Variants in FAM98A observed in about 807,000 individuals in gnomAD.
FAM98A encodes protein FAM98A.
Under a neutral mutation model 62.9 loss-of-function variants are expected in FAM98A, and 25 were observed. That is an observed-to-expected ratio of 0.40 (90% CI 0.29 to 0.56). FAM98A has a LOEUF of 0.56. FAM98A is among the 20% of genes least tolerant of loss of function. FAM98A has a pLI of 0.51. For synonymous variants in FAM98A, 252 were observed against 228.6 expected, an observed-to-expected ratio of 1.10 and a Z score of -0.92; for missense variants, 653 against 640.7, an observed-to-expected ratio of 1.02 and a Z score of -0.21.
chr2:33,597,990 A>G (rs1415343311), intron 1 of FAM98A, among the ~76,000 whole-genome samples: 1 of 152,224 alleles, frequency 6.6e-6, no homozygotes, highest in Non-Finnish European at 1.5e-5. Flanking sequence ...ACTTTAACAT[A>G]TGCCCTAATG....
rs1399045310 is a variant in FAM98A, at chr2:33,595,199, C to A, written c.202+290G>T. 2.0e-5 allele frequency among the ~76,000 whole-genome samples: 3 copies of A among 152,066 alleles called. No individual in the cohort carries two copies. The East Asian group carries it at 5.8e-4, about 29-fold the overall frequency. Reference sequence around the variant, plus strand: ...CTAGGATCTTACATTTAACATCTTACAAAATATAGGAAGTTCATACATTCT... The same window carrying A: ...CTAGGATCTTACATTTAACATCTTAAAAAATATAGGAAGTTCATACATTCT... On this transcript the variant is annotated intron_variant, in intron 2 of 7. Coordinates refer to ENST00000238823, the MANE Select transcript of FAM98A (RefSeq NM_015475.5).
Position 33,592,202 on chromosome 2 carries a change from G to T in FAM98A, c.215C>A (p.Ala72Asp). 6.2e-7 allele frequency: 1 copy of T among 1,610,220 alleles called. No individual in the cohort carries two copies. Among genetic ancestry groups the T allele is most frequent in the Non-Finnish European group, 8.5e-7 (1 of 1,177,402 alleles). Reference protein sequence around the residue: ...NVQATNSPSEAEEFQLEVSGL... With the variant: ...NVQATNSPSEDEEFQLEVSGL... The stretch of plus-strand genomic sequence containing the variant: ...ACTCACCTCAAGCTGGAATTCTTCA[G>T]CTTCACTCGGACCTTTTAAGAATTA... The change falls in exon 3 of 8, where the codon GCT becomes GAT. Residue 72 changes from alanine to aspartate, a missense_variant. Physicochemically the swap from Ala to Asp is moderately radical, Grantham distance 126. Transcript: ENST00000238823.
At chr2:33,595,444 A>T (rs1027989828) in intron 2 of FAM98A, 45 bp downstream of exon 2, 3 of 1,515,424 alleles carry the variant, frequency 2.0e-6, no homozygotes, top group African/African-American at 1.4e-5. Context: ...ACAATACCTC[A>T]ATGTTATTTT....
At chr2:33,587,825 AT>A (rs1171834843) in intron 4 of FAM98A, among the ~76,000 whole-genome samples, 3 of 151,704 alleles carry the variant, frequency 2.0e-5, no homozygotes, top group Non-Finnish European at 4.4e-5. Context: ...AATGTGTGGT[AT>A]AAAAATAATT....
At position 33,585,025 on chromosome 2, in the gene FAM98A, T is replaced by G; in HGVS notation, c.1308A>C (p.Gly436=). 1 of 1,614,114 alleles carries G rather than the reference T, an allele frequency of 6.2e-7. No homozygotes were observed. Among genetic ancestry groups the G allele is most frequent in the African/African-American group, 1.3e-5 (1 of 75,018 alleles). ...FQTSSSYTGS[G]YQGGGYQQDN... Reference sequence around the variant, plus strand: ...CCTGCTGGTAGCCACCACCCTGGTATCCACTTCCTGTATATGAAGAAGATG... The same window carrying G: ...CCTGCTGGTAGCCACCACCCTGGTAGCCACTTCCTGTATATGAAGAAGATG... Residue 436 remains glycine (G), a synonymous_variant, in exon 8 of 8, where the codon GGA becomes GGC. Coordinates refer to ENST00000238823, the MANE Select transcript of FAM98A (RefSeq NM_015475.5).
rs768141541 is a variant in FAM98A, at chr2:33,594,572, TATATAC to T, written c.202+911_202+916del. ...AAAAAAAAAAAAAATTATATATATATATATACACACACACACACACACACACACATA... is the reference window on the plus strand; with the variant it reads ...AAAAAAAAAAAAAATTATATATATATACACACACACACACACACACACATA... On this transcript the variant is annotated intron_variant, in intron 2 of 7. Coordinates refer to ENST00000238823, the MANE Select transcript of FAM98A (RefSeq NM_015475.5). Among the ~76,000 whole-genome samples, 582 of 99,464 alleles carry T rather than the reference TATATAC, an allele frequency of 5.9e-3. 131 individuals carry two copies. Among genetic ancestry groups the T allele is most frequent in the Admixed American group, 6.9e-3 (66 of 9,554 alleles). 65.3% of individuals were successfully genotyped at this position (99,464 alleles called of 152,430 possible). A position where few individuals can be genotyped will look rare whatever the true frequency, so the allele number is the denominator to read the frequency against.
rs367835075 is a variant in FAM98A at position 33,599,151 on chromosome 2, G to C, written c.53+18C>G. 32 of 1,608,490 alleles carry C rather than the reference G, an allele frequency of 2.0e-5. 1 individual carries two copies. The highest frequency in any genetic ancestry group is 1.7e-4 in the African/African-American group (13 of 74,786). On this transcript the variant is annotated intron_variant, in intron 1 of 7. Transcript: ENST00000238823. The stretch of plus-strand genomic sequence containing the variant: ...CGGCAGCGTGGGGCTTGGGAGACCC[G>C]TGCCCTGACAATCTTACCCTAGATC...
intron 3 of FAM98A, among the ~76,000 whole-genome samples, chr2:33,590,353 C>G (rs1055056950): frequency 3.3e-5 from 5 of 152,046 alleles, no homozygotes; most frequent in Non-Finnish European, 7.4e-5. Context: ...GTTTTCCCCC[C>G]TAAAATACAA....
chr2:33,585,113 C>A lies in FAM98A; in HGVS notation c.1220G>T (p.Gly407Val), dbSNP rs199773047. Residue 407 changes from glycine (G) to valine (V), a missense_variant, in exon 8 of 8, where the codon GGT (glycine) becomes GTT (valine). Physicochemically the swap from Gly to Val is moderately radical, Grantham distance 109. Transcript: ENST00000238823. ...ACTGCTGTGGCCACCATGATAGCCA[C>A]CTGGCTGGAAACCTGAATCTCGATA... Reference protein sequence around the residue: ...GGYRDSGFQPGGYHGGHSSGG... With the variant: ...GGYRDSGFQPVGYHGGHSSGG... 132 of 1,614,204 alleles carry A rather than the reference C, an allele frequency of 8.2e-5. No homozygotes were observed. In the East Asian group the frequency reaches 2.9e-3, roughly 35 times the overall value.
intron 2 of FAM98A, among the ~76,000 whole-genome samples, chr2:33,594,408 T>C (rs1039550695): frequency 1.3e-5 from 2 of 151,398 alleles, no homozygotes; most frequent in African/African-American, 2.4e-5. Flanking sequence ...CCAGGGCCTG[T>C]TGCGGGTTAG....
intron 5 of FAM98A, 25 bp from the exon 6 acceptor site, chr2:33,586,703 T>C (rs1677565376): frequency 1.4e-6 from 2 of 1,468,882 alleles, no homozygotes; most frequent in African/African-American, 1.4e-5. Flanking sequence ...AAAAGACTAG[T>C]TAGAGTTTAA....
chr2:33,587,019 G>T (rs1204551327), intron 5 of FAM98A: 3 of 536,680 alleles, frequency 5.6e-6, no homozygotes, highest in Non-Finnish European at 3.3e-6. Flanking sequence ...TTTATCAGCT[G>T]TGTGAAATAT....
In FAM98A at chr2:33,585,237, A is replaced by G; in HGVS notation, c.1096T>C (p.Tyr366His). The G allele has an allele frequency of 6.2e-7, 1 of 1,613,788 alleles. No individual in the cohort carries two copies. Among genetic ancestry groups the G allele is most frequent in the Non-Finnish European group, 8.5e-7 (1 of 1,179,978 alleles). ...CCTCCCCCTCGGCCACCATGGTCATAGCCACCACGTCCACCTCTCCCGCCT... is the reference window on the plus strand; with the variant it reads ...CCTCCCCCTCGGCCACCATGGTCATGGCCACCACGTCCACCTCTCCCGCCT... ...QGGGRGGRGG[Y>H]DHGGRGGGRG... The change falls in exon 8 of 8, where the codon TAT becomes CAT. Residue 366 changes from tyrosine (Y) to histidine (H), a missense_variant. By Grantham distance (83) the Tyr-to-His change is moderately conservative. Transcript: ENST00000238823.
chr2:33,587,484 C>T (rs1253864902), intron 4 of FAM98A, 164 bp from the exon 5 acceptor site: 2 of 612,552 alleles, frequency 3.3e-6, no homozygotes, highest in Non-Finnish European at 5.8e-6. Context: ...TAAAGACACT[C>T]ACTGGTCCCA....
chr2:33,595,334 T>C (rs887739624), intron 2 of FAM98A, among the ~76,000 whole-genome samples, 155 bp downstream of exon 2: 3 of 152,194 alleles, frequency 2.0e-5, no homozygotes, highest in African/African-American at 7.2e-5. Context: ...GAATCACCTC[T>C]AAAAACAACG....
At chr2:33,585,921 G>A (rs1450991810) in intron 6 of FAM98A, among the ~76,000 whole-genome samples, 2 of 152,186 alleles carry the variant, frequency 1.3e-5, no homozygotes, top group African/African-American at 4.8e-5. Flanking sequence ...CAGGGACTGT[G>A]GGGGCAGGGG....
Position 33,585,022 on chromosome 2 carries a change from G to A in FAM98A, c.1311C>T (p.Tyr437=), listed in dbSNP as rs1416997147. Residue 437 remains tyrosine (Y), a synonymous_variant, in exon 8 of 8, where the codon TAC becomes TAT. Coordinates refer to ENST00000238823, the MANE Select transcript of FAM98A (RefSeq NM_015475.5). ...QTSSSYTGSG[Y]QGGGYQQDNR... ...TGTCCTGCTGGTAGCCACCACCCTGGTATCCACTTCCTGTATATGAAGAAG... is the reference window on the plus strand; with the variant it reads ...TGTCCTGCTGGTAGCCACCACCCTGATATCCACTTCCTGTATATGAAGAAG... 2 of 1,613,816 alleles carry A rather than the reference G, an allele frequency of 1.2e-6. No individual in the cohort carries two copies. The highest frequency in any genetic ancestry group is 1.1e-5 in the South Asian group (1 of 91,062).
At chr2:33,596,706 A>G (rs1374781931) in intron 1 of FAM98A, among the ~76,000 whole-genome samples, 2 of 152,098 alleles carry the variant, frequency 1.3e-5, no homozygotes. Flanking sequence ...CCTGGCTAAC[A>G]CGATGAAACC....
At position 33,585,622 on chromosome 2, in the gene FAM98A, C is replaced by T; in HGVS notation, c.796G>A (p.Ala266Thr). Reference protein sequence around the residue: ...VLSPKTTISVAHLLAARQDLS... With the variant: ...VLSPKTTISVTHLLAARQDLS... The stretch of plus-strand genomic sequence containing the variant: ...TCCTGCCTTGCAGCCAAAAGATGGG[C>T]AACAGAAATAGTAGTTTTAGGGGAT... The change falls in exon 7 of 8, where the codon GCC becomes ACC. Residue 266 changes from alanine to threonine, a missense_variant. By Grantham distance (58) the Ala-to-Thr change is moderately conservative. Transcript: ENST00000238823. The T allele has an allele frequency of 2.5e-6, 4 of 1,614,076 alleles. No individual in the cohort carries two copies. The highest frequency in any genetic ancestry group is 3.4e-6 in the Non-Finnish European group (4 of 1,180,018).
Sources: gnomAD v4.1 joint callset for allele counts (sites outside exome capture counted in the v4.1 genomes callset) on GRCh38, gnomAD v4.1.1 for gene constraint, MANE v1.5 for transcripts, NCBI Gene and HGNC (gene_info 2026-07-23, HGNC 2026-07-21) for gene names.